NFIB: variants seen among roughly 807,000 people sequenced by gnomAD.
The protein encoded by NFIB is nuclear factor I B.
Under a neutral mutation model 61.5 loss-of-function variants are expected in NFIB, and 11 were observed. That is an observed-to-expected ratio of 0.18 (90% CI 0.11 to 0.30). The LOEUF (loss-of-function observed/expected upper bound fraction) is 0.30. NFIB is among the 10% of genes least tolerant of loss of function. The pLI is 1.00. For missense variants in NFIB, 471 were observed against 608.9 expected (o/e 0.77, Z 2.38); for synonymous variants, 260 against 216.5 (o/e 1.20, Z -1.76).
intron 2 of NFIB, among the ~76,000 whole-genome samples, chr9:14,228,167 T>C (rs1292063880): frequency 6.6e-6 from 1 of 151,468 alleles, no homozygotes; most frequent in Non-Finnish European, 1.5e-5. Context: ...TCAAAGATAT[T>C]AGATTATTGA....
intron 2 of NFIB, among the ~76,000 whole-genome samples, chr9:14,270,997 G>C (rs2057568670): frequency 6.6e-6 from 1 of 152,040 alleles, no homozygotes; most frequent in Non-Finnish European, 1.5e-5. Context: ...CTCCCATGTG[G>C]ATATTTAGAG....
At chr9:14,290,149 T>C (rs1193409705) in intron 2 of NFIB, among the ~76,000 whole-genome samples, 1 of 152,092 alleles carries the variant, frequency 6.6e-6, no homozygotes, top group Non-Finnish European at 1.5e-5. Flanking sequence ...GAAGGTTATT[T>C]CCTTAAGTAA....
chr9:14,252,322 T>A (rs751781687), intron 2 of NFIB, among the ~76,000 whole-genome samples: 3 of 152,198 alleles, frequency 2.0e-5, no homozygotes, highest in African/African-American at 7.2e-5. Context: ...GCACTTTGCA[T>A]TTATTTATAT....
At chr9:14,290,480 A>C (rs2059019466) in intron 2 of NFIB, among the ~76,000 whole-genome samples, 1 of 152,038 alleles carries the variant, frequency 6.6e-6, no homozygotes, top group Non-Finnish European at 1.5e-5. Flanking sequence ...TGCCAAATAA[A>C]GTGCATGCCT....
At chr9:14,310,849 T>C (rs1173145423) in intron 1 of NFIB, among the ~76,000 whole-genome samples, 1 of 152,194 alleles carries the variant, frequency 6.6e-6, no homozygotes, top group Non-Finnish European at 1.5e-5. Flanking sequence ...TAGGCATATT[T>C]ATTTTTCTTC....
chr9:14,206,942 C>G (rs1271861206), intron 2 of NFIB, among the ~76,000 whole-genome samples: 2 of 152,068 alleles, frequency 1.3e-5, no homozygotes, highest in African/African-American at 4.8e-5. Context: ...GTGTAAAACC[C>G]CACTATTCCA....
intron 1 of NFIB, among the ~76,000 whole-genome samples, chr9:14,333,042 G>A (rs941219096): frequency 6.6e-6 from 1 of 152,170 alleles, no homozygotes; most frequent in Non-Finnish European, 1.5e-5. Context: ...AGACAGGATA[G>A]AGCAGCCTCC....
the NFIB span, among the ~76,000 whole-genome samples, chr9:14,453,633 T>G: frequency 6.6e-6 from 1 of 152,202 alleles, no homozygotes; most frequent in Non-Finnish European, 1.5e-5. Flanking sequence ...TAGTAAATCA[T>G]TGAGAGTAAT....
intron 2 of NFIB, among the ~76,000 whole-genome samples, chr9:14,222,868 CT>C (rs1314921867): frequency 6.6e-6 from 1 of 151,674 alleles, no homozygotes; most frequent in African/African-American, 2.4e-5. Context: ...AACACCCCTT[CT>C]TTCCTACTCT....
At chr9:14,243,010 T>C (rs2054511164) in intron 2 of NFIB, among the ~76,000 whole-genome samples, 1 of 152,208 alleles carries the variant, frequency 6.6e-6, no homozygotes, top group Non-Finnish European at 1.5e-5. Context: ...CATCAAGATA[T>C]ATCTATATTA....
At chr9:14,466,430 C>T in the NFIB span, among the ~76,000 whole-genome samples, 2 of 152,030 alleles carry the variant, frequency 1.3e-5, no homozygotes, top group South Asian at 2.1e-4. Flanking sequence ...TCTAGGAACA[C>T]GGCACTCTGG....
chr9:14,133,477 C>A (rs2040642459), intron 6 of NFIB, among the ~76,000 whole-genome samples: 1 of 152,018 alleles, frequency 6.6e-6, no homozygotes, highest in Admixed American at 6.6e-5. Context: ...GACAGGCTAC[C>A]AAATCAAGTG....
chr9:14,420,151 T>C, the NFIB span, among the ~76,000 whole-genome samples: 1 of 151,886 alleles, frequency 6.6e-6, no homozygotes, highest in Admixed American at 6.6e-5. Flanking sequence ...CAATCAACAA[T>C]GACGTTATTA....
intron 2 of NFIB, among the ~76,000 whole-genome samples, chr9:14,242,011 T>C (rs910850766): frequency 2.0e-5 from 3 of 152,234 alleles, no homozygotes; most frequent in East Asian, 1.9e-4. Context: ...CCAGAAGAAT[T>C]TGTTTGAAAA....
intron 6 of NFIB, among the ~76,000 whole-genome samples, chr9:14,133,893 T>C (rs2130968674): frequency 6.6e-6 from 1 of 150,940 alleles, no homozygotes; most frequent in East Asian, 2.0e-4. Context: ...AAAGGACTGA[T>C]GATGGGTGAG....
the NFIB span, among the ~76,000 whole-genome samples, chr9:14,458,169 T>A: frequency 6.6e-6 from 1 of 152,164 alleles, no homozygotes; most frequent in Non-Finnish European, 1.5e-5. Flanking sequence ...TTATCCACCA[T>A]GATCAAGTGG....
At chr9:14,130,643 T>C (rs1470608090) in intron 6 of NFIB, among the ~76,000 whole-genome samples, 1 of 151,772 alleles carries the variant, frequency 6.6e-6, no homozygotes, top group Non-Finnish European at 1.5e-5. Context: ...CACAAAAAGA[T>C]GTAGAGGCTG....
chr9:14,348,862 T>C (rs947070528), intron 1 of NFIB, among the ~76,000 whole-genome samples: 2 of 152,258 alleles, frequency 1.3e-5, no homozygotes, highest in Non-Finnish European at 2.9e-5. Context: ...ATTCTCTAAG[T>C]TCGGAAACCA....
intron 9 of NFIB, 65 bp downstream of exon 9, chr9:14,116,143 T>C (rs985399937): frequency 4.3e-6 from 6 of 1,397,150 alleles, no homozygotes; most frequent in Middle Eastern, 1.9e-4. Context: ...CAATGGTGCC[T>C]CTGATGGACA....
Sources: gnomAD v4.1 joint callset for allele counts (sites outside exome capture counted in the v4.1 genomes callset) on GRCh38, gnomAD v4.1.1 for gene constraint, MANE v1.5 for transcripts, NCBI Gene and HGNC (gene_info 2026-07-23, HGNC 2026-07-21) for gene names.